CCDC152: variants seen among roughly 807,000 people sequenced by gnomAD.
CCDC152 encodes coiled-coil domain-containing protein 152.
A neutral mutation model predicts 38.1 loss-of-function variants in CCDC152; 37 were observed. The observed-to-expected ratio is 0.97, with a 90% CI of 0.75 to 1.28. The LOEUF (loss-of-function observed/expected upper bound fraction) is 1.28, where lower values mean the gene tolerates loss of function less well. Among genes scored for constraint, CCDC152 ranks in the 50% most tolerant of loss-of-function variants. CCDC152 has a pLI of 0.00. For synonymous variants in CCDC152, 83 were observed against 87.1 expected (o/e 0.95, Z 0.26); for missense variants, 259 against 292.1 (o/e 0.89, Z 0.83).
intron 6 of CCDC152, among the ~76,000 whole-genome samples, chr5:42,786,724 AT>A (rs1158905882): frequency 6.6e-6 from 1 of 151,526 alleles, no homozygotes; most frequent in East Asian, 1.9e-4. Context: ...TTTCTGGCTC[AT>A]TTAGGTGCAA....
At chr5:42,790,933 C>A (rs1234087914) in intron 6 of CCDC152, among the ~76,000 whole-genome samples, 1 of 152,122 alleles carries the variant, frequency 6.6e-6, no homozygotes, top group East Asian at 1.9e-4. Context: ...GGCTACAACA[C>A]TCCACCTACT....
chr5:42,788,409 C>T (rs1759952156), intron 6 of CCDC152, among the ~76,000 whole-genome samples: 1 of 151,794 alleles, frequency 6.6e-6, no homozygotes, highest in African/African-American at 2.4e-5. Flanking sequence ...ATCAGGCTAA[C>T]ATAGTAGACT....
intron 3 of CCDC152, among the ~76,000 whole-genome samples, chr5:42,766,534 A>G (rs1241590294): frequency 6.6e-6 from 1 of 152,220 alleles, no homozygotes; most frequent in Non-Finnish European, 1.5e-5. Context: ...AGATGAATGA[A>G]TAAAGAAAAT....
intron 6 of CCDC152, among the ~76,000 whole-genome samples, chr5:42,784,787 G>A (rs1472215412): frequency 6.6e-6 from 1 of 152,116 alleles, no homozygotes; most frequent in Non-Finnish European, 1.5e-5. Context: ...TATGGTAAGG[G>A]ATGGAGGTCC....
At chr5:42,791,503 T>C (rs757328967) in intron 6 of CCDC152, among the ~76,000 whole-genome samples, 66 of 152,372 alleles carry the variant, frequency 4.3e-4, no homozygotes, top group Non-Finnish European at 8.2e-4. Context: ...ACATTTCTGG[T>C]GGCCTTGGCT....
At chr5:42,778,610 T>A (rs1415394543) in intron 4 of CCDC152, among the ~76,000 whole-genome samples, 1 of 152,236 alleles carries the variant, frequency 6.6e-6, no homozygotes, top group Non-Finnish European at 1.5e-5. Context: ...CTTTCTCTTT[T>A]GCCTCCTCTA....
chr5:42,767,814 T>G (rs1759645412), intron 3 of CCDC152, among the ~76,000 whole-genome samples: 1 of 152,238 alleles, frequency 6.6e-6, no homozygotes, highest in African/African-American at 2.4e-5. Flanking sequence ...ATCACTGGAT[T>G]CATTATTCTA....
chr5:42,786,910 A>T (rs1759927830), intron 6 of CCDC152, among the ~76,000 whole-genome samples: 1 of 151,924 alleles, frequency 6.6e-6, no homozygotes, highest in African/African-American at 2.4e-5. Context: ...TTTTACCTAA[A>T]AGTCAACCAG....
intron 1 of CCDC152, among the ~76,000 whole-genome samples, chr5:42,758,828 ATAAT>A (rs746960492): frequency 4.6e-5 from 7 of 152,226 alleles, no homozygotes; most frequent in Middle Eastern, 6.3e-3. Context: ...TTAATTAAGA[ATAAT>A]TACAGTTAAA....
chr5:42,771,927 G>A (rs963518526), intron 4 of CCDC152, among the ~76,000 whole-genome samples: 6 of 151,902 alleles, frequency 3.9e-5, no homozygotes, highest in South Asian at 4.2e-4. Flanking sequence ...AGCATCACCC[G>A]GACACCAAAA....
chr5:42,798,301 A>T (rs1760106161), intron 7 of CCDC152, among the ~76,000 whole-genome samples: 1 of 151,960 alleles, frequency 6.6e-6, no homozygotes, highest in Non-Finnish European at 1.5e-5. Flanking sequence ...CCCAACTTTC[A>T]TTTTACCTTG....
Position 42,783,662 on chromosome 5 carries a change from T to C in CCDC152, c.430+86T>C, listed in dbSNP as rs184656352. 188 of 535,240 alleles carry C rather than the reference T, an allele frequency of 3.5e-4. 4 individuals are homozygous for C. The South Asian group carries it at 6.4e-3, about 18-fold the overall frequency. 33.2% of individuals were successfully genotyped at this position (535,240 alleles called of 1,614,324 possible). Reference sequence around the variant, plus strand: ...GTTACATGGGTATTTTGTATAATGCTGGTGTTTGGGCTTCTAGTGAACTCA... The same window carrying C: ...GTTACATGGGTATTTTGTATAATGCCGGTGTTTGGGCTTCTAGTGAACTCA... On this transcript the variant is annotated intron_variant, in intron 6 of 8. Transcript: ENST00000361970.
At chr5:42,790,285 CA>C (rs1174791924) in intron 6 of CCDC152, among the ~76,000 whole-genome samples, 28 of 151,644 alleles carry the variant, frequency 1.8e-4, no homozygotes, top group African/African-American at 6.3e-4. Context: ...CAGGCACATA[CA>C]GATGAAAAAT....
At chr5:42,762,335 C>A in intron 2 of CCDC152, 108 bp from the exon 3 acceptor site, 1 of 618,806 alleles carries the variant, frequency 1.6e-6, no homozygotes, top group Non-Finnish European at 2.9e-6. Context: ...TTTTATTAGA[C>A]TATCAGATAT....
intron 1 of CCDC152, among the ~76,000 whole-genome samples, chr5:42,757,827 A>G (rs1425593543): frequency 6.6e-6 from 1 of 152,226 alleles, no homozygotes; most frequent in African/African-American, 2.4e-5. Context: ...TTCAAGAGCC[A>G]GATTCTGAGA....
intron 4 of CCDC152, among the ~76,000 whole-genome samples, chr5:42,771,165 T>A (rs1474613587): frequency 6.6e-6 from 1 of 152,118 alleles, no homozygotes; most frequent in African/African-American, 2.4e-5. Context: ...CTAAACACAC[T>A]CCTGAACAAT....
intron 2 of CCDC152, among the ~76,000 whole-genome samples, chr5:42,760,053 C>G (rs1759529380): frequency 1.3e-5 from 2 of 151,840 alleles, no homozygotes; most frequent in South Asian, 4.2e-4. Flanking sequence ...TCCTGTAATC[C>G]TAGCACTTTG....
chr5:42,769,605 A>G lies in CCDC152; in HGVS notation c.202A>G (p.Thr68Ala), dbSNP rs1759671173. Residue 68 changes from threonine to alanine, a missense_variant, in exon 4 of 9, where the codon ACT (threonine) becomes GCT (alanine). Transcript: ENST00000361970. Reference sequence around the variant, plus strand: ...TATCTTTTATATTTCAGAATGTGCTACTCTTCATAATATAATAAAAGGGCT... The same window carrying G: ...TATCTTTTATATTTCAGAATGTGCTGCTCTTCATAATATAATAAAAGGGCT... ...KEVSIKEECA[T>A]LHNIIKGLQQ... 2 of 1,488,184 alleles carry G rather than the reference A, an allele frequency of 1.3e-6. No individual in the cohort carries two copies. Among genetic ancestry groups the G allele is most frequent in the Non-Finnish European group, 1.8e-6 (2 of 1,118,296 alleles). The allele number at this position is 1,488,184 out of a possible 1,614,324, so 92.2% of individuals were successfully genotyped here.
At chr5:42,794,060 G>T (rs193035515) in intron 6 of CCDC152, among the ~76,000 whole-genome samples, 7 of 152,350 alleles carry the variant, frequency 4.6e-5, no homozygotes, top group African/African-American at 1.7e-4. Flanking sequence ...GTAAGCTGGA[G>T]AACAGGTTAG....
Sources: gnomAD v4.1 joint callset for allele counts (sites outside exome capture counted in the v4.1 genomes callset) on GRCh38, gnomAD v4.1.1 for gene constraint, MANE v1.5 for transcripts, NCBI Gene and HGNC (gene_info 2026-07-23, HGNC 2026-07-21) for gene names.